NTNG1: variants seen among roughly 807,000 people sequenced by gnomAD.
NTNG1 encodes netrin-G1.
In NTNG1, 16 loss-of-function variants were observed where a neutral mutation model predicts 54.0. The ratio of observed to expected loss-of-function variants is 0.30; its 90% CI spans 0.20 to 0.45. NTNG1 has a LOEUF of 0.45. Among genes scored for constraint, NTNG1 ranks in the 20% least tolerant of loss-of-function variants. NTNG1 has a pLI of 1.00. For missense variants in NTNG1, 530 were observed against 678.7 expected (o/e 0.78, Z 2.43); for synonymous variants, 255 against 263.1 (o/e 0.97, Z 0.30).
intron 2 of NTNG1, among the ~76,000 whole-genome samples, chr1:107,208,139 A>G (rs991357757): frequency 6.6e-6 from 1 of 152,120 alleles, no homozygotes; most frequent in South Asian, 2.1e-4. Context: ...TCATGCAGAA[A>G]TGGAGGGAGG....
chr1:107,327,760 A>G (rs907521000), intron 3 of NTNG1, among the ~76,000 whole-genome samples: 1 of 152,158 alleles, frequency 6.6e-6, no homozygotes, highest in Admixed American at 6.6e-5. Context: ...AGTAGAATGG[A>G]GACCAGATGT....
chr1:107,455,854 G>C (rs760848875), intron 7 of NTNG1, among the ~76,000 whole-genome samples: 1 of 152,196 alleles, frequency 6.6e-6, no homozygotes, highest in Non-Finnish European at 1.5e-5. Flanking sequence ...CAGACACCCT[G>C]TCTCAGCTCC....
At chr1:107,348,732 C>T (rs1034107098) in intron 3 of NTNG1, among the ~76,000 whole-genome samples, 1 of 152,166 alleles carries the variant, frequency 6.6e-6, no homozygotes, top group Non-Finnish European at 1.5e-5. Context: ...AACCCTGCCT[C>T]TCCAAGAGAC....
intron 2 of NTNG1, among the ~76,000 whole-genome samples, chr1:107,208,580 T>C (rs1457263901): frequency 6.6e-6 from 1 of 152,088 alleles, no homozygotes; most frequent in African/African-American, 2.4e-5. Context: ...ATGAAGGAAC[T>C]CTTTCGTTTT....
At position 107,367,674 on chromosome 1, in the gene NTNG1, T is replaced by C. The variant is rs1338772376; in HGVS notation, c.888-27480T>C. ...GAGCCATCCAAATTTCCCCTAGTCC[T>C]TAGTCTACTGTAGTTACTCTGTGCT... On this transcript the variant is annotated intron_variant, in intron 3 of 7. Coordinates refer to ENST00000370068, the MANE Select transcript of NTNG1 (RefSeq NM_001113226.3). Among the ~76,000 whole-genome samples the C allele has an allele frequency of 2.0e-5, 3 of 152,308 alleles. No individual in the cohort carries two copies. The East Asian group carries it at 5.8e-4, about 29-fold the overall frequency.
At chr1:107,231,015 T>C (rs1661030659) in intron 2 of NTNG1, among the ~76,000 whole-genome samples, 1 of 152,156 alleles carries the variant, frequency 6.6e-6, no homozygotes, top group Non-Finnish European at 1.5e-5. Context: ...GACTTTGGAA[T>C]TAGGTAAAGA....
At chr1:107,469,963 C>T (rs1208734519) in intron 7 of NTNG1, among the ~76,000 whole-genome samples, 4 of 152,072 alleles carry the variant, frequency 2.6e-5, no homozygotes, top group Non-Finnish European at 4.4e-5. Flanking sequence ...GCTCAATCTA[C>T]AAATGTAAAA....
chr1:107,188,556 A>C (rs1053126111), intron 2 of NTNG1, among the ~76,000 whole-genome samples: 1 of 152,168 alleles, frequency 6.6e-6, no homozygotes, highest in Non-Finnish European at 1.5e-5. Flanking sequence ...AATTAATGCC[A>C]AGAGAAATGC....
chr1:107,470,355 C>A (rs1265548312), intron 7 of NTNG1, among the ~76,000 whole-genome samples: 1 of 152,102 alleles, frequency 6.6e-6, no homozygotes, highest in Non-Finnish European at 1.5e-5. Context: ...GGACTATATT[C>A]TAGGCAATTT....
Position 107,395,254 on chromosome 1 carries a change from A to G in NTNG1, c.988A>G (p.Lys330Glu). Residue 330 changes from lysine to glutamate, a missense_variant, in exon 4 of 8, where the codon AAG becomes GAG. Around this residue, in one of 2 missense-constraint regions of NTNG1, gnomAD observed 318 missense variants for 465.1 expected, o/e 0.68. Coordinates refer to ENST00000370068, the MANE Select transcript of NTNG1 (RefSeq NM_001113226.3). ...TACAGGTCCAGACTGTGGGAAATGC[A>G]AGAAGAATTATCAGGGCCGACCTTG... Reference protein sequence around the residue: ...NTTGPDCGKCKKNYQGRPWSP... With the variant: ...NTTGPDCGKCEKNYQGRPWSP... 6.2e-7 allele frequency: 1 copy of G among 1,613,672 alleles called. No individual in the cohort carries two copies. Among genetic ancestry groups the G allele is most frequent in the Non-Finnish European group, 8.5e-7 (1 of 1,179,696 alleles).
intron 7 of NTNG1, among the ~76,000 whole-genome samples, chr1:107,447,996 A>C (rs980045491): frequency 6.6e-6 from 1 of 152,106 alleles, no homozygotes; most frequent in Admixed American, 6.6e-5. Flanking sequence ...CATTGTGCTA[A>C]GTTTTGGCAC....
chr1:107,450,495 G>A (rs1238876050), intron 7 of NTNG1, among the ~76,000 whole-genome samples: 1 of 152,020 alleles, frequency 6.6e-6, no homozygotes, highest in African/African-American at 2.4e-5. Flanking sequence ...TGAAAATGGT[G>A]AGGAATGGAT....
At chr1:107,322,607 TA>T (rs1667719527) in intron 2 of NTNG1, among the ~76,000 whole-genome samples, 2 of 152,076 alleles carry the variant, frequency 1.3e-5, no homozygotes, top group South Asian at 4.1e-4. Flanking sequence ...TAAGAGAATT[TA>T]AATAATAATA....
intron 2 of NTNG1, among the ~76,000 whole-genome samples, chr1:107,281,411 A>T (rs1307315959): frequency 1.3e-5 from 2 of 152,006 alleles, no homozygotes; most frequent in Admixed American, 6.6e-5. Context: ...AGAAAAATGA[A>T]TTTGTTTGAT....
At chr1:107,480,569 T>TGCCCCCC in intron 7 of NTNG1, 42 bp from the exon 8 acceptor site, 24 of 609,588 alleles carry the variant, frequency 3.9e-5, no homozygotes, top group East Asian at 1.7e-4. Flanking sequence ...CTGCTTCTCC[T>TGCCCCCC]CCCCGCGCCC....
At chr1:107,473,633 C>T (rs1257996661) in intron 7 of NTNG1, among the ~76,000 whole-genome samples, 1 of 152,222 alleles carries the variant, frequency 6.6e-6, no homozygotes, top group Non-Finnish European at 1.5e-5. Flanking sequence ...CCCTGTGTCG[C>T]TCCTCATCCA....
At chr1:107,177,108 A>T (rs1361258993) in intron 2 of NTNG1, among the ~76,000 whole-genome samples, 1 of 152,116 alleles carries the variant, frequency 6.6e-6, no homozygotes, top group East Asian at 1.9e-4. Flanking sequence ...TATTCTAATG[A>T]TTCTAATGCA....
intron 2 of NTNG1, among the ~76,000 whole-genome samples, chr1:107,191,492 A>C (rs1365051251): frequency 2.6e-5 from 4 of 152,130 alleles, no homozygotes; most frequent in Non-Finnish European, 5.9e-5. Flanking sequence ...TTAGACATGA[A>C]GTCCTTGCCC....
intron 3 of NTNG1, among the ~76,000 whole-genome samples, chr1:107,340,639 C>A (rs1303128784): frequency 1.3e-5 from 2 of 151,906 alleles, no homozygotes; most frequent in East Asian, 1.9e-4. Context: ...AAATGAGATG[C>A]CAGAGGAAAT....
Sources: allele counts gnomAD v4.1 joint callset (sites outside exome capture counted in the v4.1 genomes callset), GRCh38; gene constraint gnomAD v4.1.1; regional missense constraint gnomAD v4.1.1; transcripts MANE v1.5; gene names NCBI Gene and HGNC (gene_info 2026-07-23, HGNC 2026-07-21).